The following KCNIP4 variants were observed in gnomAD, a reference collection of about 807,000 sequenced individuals.
KCNIP4 encodes the protein Kv channel-interacting protein 4.
KCNIP4 carries 12 observed loss-of-function variants against 34.0 expected under a neutral mutation model. That is an observed-to-expected ratio of 0.35 (90% CI 0.23 to 0.57). KCNIP4 has a LOEUF of 0.57. Ranked by LOEUF, KCNIP4 falls within the 20% of genes least tolerant of loss-of-function variation. The pLI is 0.83. For synonymous variants in KCNIP4, 124 were observed against 102.2 expected (o/e 1.21, Z -1.29); for missense variants, 238 against 311.7 (o/e 0.76, Z 1.78).
intron 1 of KCNIP4, among the ~76,000 whole-genome samples, chr4:21,709,345 A>G (rs28570500): frequency 0.082 from 12,557 of 152,250 alleles, 1,444 homozygotes; most frequent in African/African-American, 0.26. Context: ...CAAACTGAGT[A>G]TTTGGAAATG....
intron 1 of KCNIP4, among the ~76,000 whole-genome samples, chr4:21,742,114 A>T (rs1192881516): frequency 6.6e-6 from 1 of 152,256 alleles, no homozygotes; most frequent in African/African-American, 2.4e-5. Context: ...AAAAAACTCA[A>T]GTACCAAATT....
intron 1 of KCNIP4, among the ~76,000 whole-genome samples, chr4:21,278,497 A>G (rs1762575277): frequency 6.6e-6 from 1 of 152,164 alleles, no homozygotes; most frequent in African/African-American, 2.4e-5. Flanking sequence ...CTCCAGCTCC[A>G]TCCAGGTTGC....
chr4:21,467,770 T>C (rs563935053), intron 1 of KCNIP4, among the ~76,000 whole-genome samples: 1 of 152,286 alleles, frequency 6.6e-6, no homozygotes, highest in East Asian at 1.9e-4. Flanking sequence ...GGAAGGCCAT[T>C]GTGACTCATT....
At chr4:20,746,225 T>C (rs928724942) in intron 5 of KCNIP4, among the ~76,000 whole-genome samples, 4 of 152,018 alleles carry the variant, frequency 2.6e-5, no homozygotes, top group African/African-American at 9.7e-5. Context: ...ATGTCCTTTG[T>C]GGGGAATGAA....
chr4:20,987,933 G>A (rs1438488251), intron 1 of KCNIP4, among the ~76,000 whole-genome samples: 5 of 142,768 alleles, frequency 3.5e-5, no homozygotes, highest in East Asian at 2.1e-4. Context: ...CCCGGGAGAC[G>A]GAGCTTGCAG....
At chr4:21,225,866 A>G (rs559540227) in intron 1 of KCNIP4, among the ~76,000 whole-genome samples, 1 of 152,306 alleles carries the variant, frequency 6.6e-6, no homozygotes, top group African/African-American at 2.4e-5. Context: ...TAATGCCAGG[A>G]AGGCCCAGTA....
chr4:21,866,154 T>C lies in KCNIP4; in HGVS notation c.61+82417A>G, dbSNP rs114727683. Among the ~76,000 whole-genome samples, 816 of 152,296 alleles carry C rather than the reference T, an allele frequency of 5.4e-3. 7 individuals carry two copies. The highest frequency in any genetic ancestry group is 0.018 in the African/African-American group (741 of 41,560). ...GCTTGGTAATTAAAATAATTCATTTTTTCTAAATGTTATAAAAACATACAG... is the reference window on the plus strand; with the variant it reads ...GCTTGGTAATTAAAATAATTCATTTCTTCTAAATGTTATAAAAACATACAG... On this transcript the variant is annotated intron_variant, in intron 1 of 8. Transcript: ENST00000382152.
intron 1 of KCNIP4, among the ~76,000 whole-genome samples, chr4:20,993,219 C>G (rs1467252795): frequency 6.6e-6 from 1 of 151,912 alleles, no homozygotes; most frequent in Non-Finnish European, 1.5e-5. Context: ...TCCACTGCAA[C>G]AGGGTATGAA....
At chr4:20,916,769 C>T (rs1005406431) in intron 1 of KCNIP4, among the ~76,000 whole-genome samples, 1 of 151,638 alleles carries the variant, frequency 6.6e-6, no homozygotes, top group African/African-American at 2.4e-5. Context: ...AACTCTTTTG[C>T]AGCAACAGTT....
chr4:21,279,051 G>C (rs1762612950), intron 1 of KCNIP4, among the ~76,000 whole-genome samples: 1 of 152,110 alleles, frequency 6.6e-6, no homozygotes, highest in Admixed American at 6.5e-5. Flanking sequence ...GTGGAAGACA[G>C]GTAATACCTG....
At chr4:21,260,014 T>C (rs1275814325) in intron 1 of KCNIP4, among the ~76,000 whole-genome samples, 1 of 152,092 alleles carries the variant, frequency 6.6e-6, no homozygotes, top group Non-Finnish European at 1.5e-5. Context: ...GACCTCTTTA[T>C]AAGTGACCAA....
chr4:21,629,755 T>A (rs902605634), intron 1 of KCNIP4, among the ~76,000 whole-genome samples: 1 of 152,200 alleles, frequency 6.6e-6, no homozygotes, highest in South Asian at 2.1e-4. Context: ...CCTGTTTAGT[T>A]CGGCACAGTG....
intron 1 of KCNIP4, among the ~76,000 whole-genome samples, chr4:21,488,415 C>T (rs1414979430): frequency 6.6e-6 from 1 of 152,014 alleles, no homozygotes; most frequent in East Asian, 1.9e-4. Flanking sequence ...TAAATTATTT[C>T]CAAACTTTTT....
At chr4:21,680,031 T>C (rs1273399774) in intron 1 of KCNIP4, among the ~76,000 whole-genome samples, 4 of 152,236 alleles carry the variant, frequency 2.6e-5, no homozygotes, top group Non-Finnish European at 5.9e-5. Flanking sequence ...AAGTTTGTCA[T>C]ATTGATTGAC....
At chr4:21,197,901 A>G (rs1025174862) in intron 1 of KCNIP4, among the ~76,000 whole-genome samples, 1 of 152,194 alleles carries the variant, frequency 6.6e-6, no homozygotes, top group South Asian at 2.1e-4. Context: ...CTTGAGTTTC[A>G]GTAATAAGTC....
At chr4:21,125,195 T>TATTTTATTTTATTTTATTTTATTTC (rs1750512851) in intron 1 of KCNIP4, among the ~76,000 whole-genome samples, 1 of 139,180 alleles carries the variant, frequency 7.2e-6, no homozygotes, top group Admixed American at 7.3e-5. Flanking sequence ...TGTCTTATTT[T>TATTTTATTTTATTTTATTTTATTTC]ATTTTATTTT....
intron 1 of KCNIP4, among the ~76,000 whole-genome samples, chr4:21,000,775 C>T (rs1434031534): frequency 6.6e-6 from 1 of 152,104 alleles, no homozygotes; most frequent in Admixed American, 6.5e-5. Context: ...CACTACACAC[C>T]CCTTACTCAC....
At chr4:21,751,867 C>A (rs1560686760) in intron 1 of KCNIP4, among the ~76,000 whole-genome samples, 1 of 152,138 alleles carries the variant, frequency 6.6e-6, no homozygotes, top group Non-Finnish European at 1.5e-5. Flanking sequence ...ATGTGCATAG[C>A]CACAATATGA....
chr4:20,745,134 C>T (rs183305450), intron 5 of KCNIP4, among the ~76,000 whole-genome samples: 1 of 152,304 alleles, frequency 6.6e-6, no homozygotes, highest in East Asian at 1.9e-4. Context: ...CCTCTTCTTG[C>T]AGCCCTACAG....
Sources: allele counts gnomAD v4.1 joint callset (sites outside exome capture counted in the v4.1 genomes callset), GRCh38; gene constraint gnomAD v4.1.1; transcripts MANE v1.5; gene names NCBI Gene and HGNC (gene_info 2026-07-23, HGNC 2026-07-21).